Variants in LCP2 observed in about 807,000 individuals in gnomAD.
The protein encoded by LCP2 is 76 kDa tyrosine phosphoprotein.
In LCP2, 29 loss-of-function variants were observed where a neutral mutation model predicts 74.5. That is an observed-to-expected ratio of 0.39 (90% CI 0.29 to 0.53). The LOEUF (loss-of-function observed/expected upper bound fraction) is 0.53, where lower values mean the gene tolerates loss of function less well. Among genes scored for constraint, LCP2 ranks in the 20% least tolerant of loss-of-function variants. LCP2 has a pLI of 0.72. For synonymous variants in LCP2, 228 were observed against 229.5 expected, an observed-to-expected ratio of 0.99 and a Z score of 0.06; for missense variants, 604 against 634.6, an observed-to-expected ratio of 0.95 and a Z score of 0.52.
At chr5:170,284,912 G>A (rs1041738041) in intron 3 of LCP2, among the ~76,000 whole-genome samples, 2 of 151,980 alleles carry the variant, frequency 1.3e-5, no homozygotes, top group Non-Finnish European at 2.9e-5. Flanking sequence ...CACCAAGCCT[G>A]GTGAATTTTT....
rs371358336 is a variant in LCP2, at chr5:170,253,072, T to A, written c.1245+47A>T. The A allele has an allele frequency of 1.2e-5, 15 of 1,216,940 alleles. No homozygotes were observed. The African/African-American group carries it at 2.1e-4, about 17-fold the overall frequency. The allele number at this position is 1,216,940 out of a possible 1,614,324, so 75.4% of individuals were successfully genotyped here. On this transcript the variant is annotated intron_variant, in intron 18 of 20. Coordinates refer to ENST00000046794, the MANE Select transcript of LCP2 (RefSeq NM_005565.5). ...CAATGGGAGTTTCTGGTGATTCTTT[T>A]ACCAGGGAAAAGGCAAACAAACAAA...
At chr5:170,273,706 G>A (rs1258632443) in intron 6 of LCP2, 1 of 154,704 alleles carries the variant, frequency 6.5e-6, no homozygotes, top group Non-Finnish European at 1.4e-5. Flanking sequence ...GTGTATACAG[G>A]TTCCTGGGGA....
intron 1 of LCP2, among the ~76,000 whole-genome samples, chr5:170,295,911 T>G (rs562536008): frequency 6.6e-6 from 1 of 152,256 alleles, no homozygotes; most frequent in Admixed American, 6.6e-5. Context: ...TTCCCCCAGC[T>G]CAGGCAGTGA....
chr5:170,278,590 T>C (rs1019028613), intron 3 of LCP2, among the ~76,000 whole-genome samples: 4 of 151,998 alleles, frequency 2.6e-5, no homozygotes, highest in African/African-American at 9.7e-5. Flanking sequence ...GACATTTCAG[T>C]AATGACTTGA....
At chr5:170,250,034 A>AAGT (rs1761398797) in intron 20 of LCP2, among the ~76,000 whole-genome samples, 1 of 152,166 alleles carries the variant, frequency 6.6e-6, no homozygotes, top group Non-Finnish European at 1.5e-5. Context: ...ATCATAACAG[A>AAGT]AGTATGTGAA....
chr5:170,266,584 T>C (rs1001780869), intron 10 of LCP2, among the ~76,000 whole-genome samples: 4 of 152,202 alleles, frequency 2.6e-5, no homozygotes, highest in Admixed American at 6.5e-5. Flanking sequence ...GAGGCTGATA[T>C]GGGCTTTGGT....
At chr5:170,261,081 C>A in intron 14 of LCP2, 26 bp downstream of exon 14, 1 of 1,565,876 alleles carries the variant, frequency 6.4e-7, no homozygotes, top group South Asian at 1.1e-5. Context: ...GTATCAAGCA[C>A]TTACAAACTG....
At chr5:170,266,299 G>C (rs1761755675) in intron 10 of LCP2, among the ~76,000 whole-genome samples, 2 of 152,180 alleles carry the variant, frequency 1.3e-5, no homozygotes, top group Admixed American at 1.3e-4. Flanking sequence ...TAGCACCTTA[G>C]GGATTTATAA....
intron 1 of LCP2, among the ~76,000 whole-genome samples, chr5:170,297,155 A>AGGGATAT (rs1762404273): frequency 1.3e-5 from 2 of 152,136 alleles, no homozygotes; most frequent in Non-Finnish European, 2.9e-5. Flanking sequence ...TGCCTCTATC[A>AGGGATAT]CATGTAGTCC....
chr5:170,275,953 G>C, intron 3 of LCP2, 93 bp from the exon 4 acceptor site: 1 of 1,122,878 alleles, frequency 8.9e-7, no homozygotes, highest in Non-Finnish European at 1.3e-6. Context: ...ATAGAAACTT[G>C]GGGCACCAGG....
At chr5:170,280,183 C>T (rs1442338511) in intron 3 of LCP2, among the ~76,000 whole-genome samples, 1 of 152,026 alleles carries the variant, frequency 6.6e-6, no homozygotes, top group Non-Finnish European at 1.5e-5. Flanking sequence ...CAAAGCCCTC[C>T]CACAGTGGGA....
chr5:170,258,168 T>C lies in LCP2; in HGVS notation c.971-2A>G. 6.2e-7 allele frequency: 1 copy of C among 1,613,802 alleles called. No individual in the cohort carries two copies. On this transcript the variant is annotated splice_acceptor_variant, in intron 15 of 20. Transcript: ENST00000046794. LOFTEE classifies it high-confidence loss of function. ...GCTGGGGCAAAGGTCTCTGATGCAC[T>C]GTGCAGAAGTAGAAAACAATGAATG...
At chr5:170,274,122 C>G in intron 6 of LCP2, 179 bp downstream of exon 6, 2 of 629,142 alleles carry the variant, frequency 3.2e-6, no homozygotes, top group Non-Finnish European at 5.6e-6. Context: ...GAGTGCATGG[C>G]TCCCAAAGCC....
chr5:170,262,048 TG>T (rs1761664204), intron 13 of LCP2, among the ~76,000 whole-genome samples: 1 of 152,206 alleles, frequency 6.6e-6, no homozygotes, highest in South Asian at 2.1e-4. Context: ...TTATGACCCC[TG>T]ATTCACAAAT....
chr5:170,297,508 A>G, intron 1 of LCP2, 26 bp downstream of exon 1: 2 of 1,601,668 alleles, frequency 1.2e-6, no homozygotes, highest in Non-Finnish European at 1.7e-6. Context: ...TAGCATCATG[A>G]CCATTCACAC....
intron 1 of LCP2, among the ~76,000 whole-genome samples, chr5:170,294,527 G>A (rs550579730): frequency 6.6e-6 from 1 of 152,172 alleles, no homozygotes; most frequent in African/African-American, 2.4e-5. Flanking sequence ...AGGATCCTAG[G>A]TTCTTCTCAC....
At chr5:170,252,936 G>A (rs955179850) in intron 18 of LCP2, among the ~76,000 whole-genome samples, 183 bp downstream of exon 18, 7 of 152,170 alleles carry the variant, frequency 4.6e-5, no homozygotes, top group Non-Finnish European at 1.0e-4. Flanking sequence ...GAAAGCGTCT[G>A]AAAGAACGCC....
intron 1 of LCP2, among the ~76,000 whole-genome samples, chr5:170,296,776 G>A (rs1048904524): frequency 1.2e-4 from 19 of 152,132 alleles, no homozygotes; most frequent in South Asian, 6.2e-4. Flanking sequence ...AGACAGCAAC[G>A]CTCTGGTCCC....
chr5:170,261,683 G>C (rs772807505), intron 13 of LCP2, among the ~76,000 whole-genome samples: 1 of 152,180 alleles, frequency 6.6e-6, no homozygotes, highest in Non-Finnish European at 1.5e-5. Context: ...AAGGGGGCTT[G>C]GTACACTTTG....
Sources: allele counts gnomAD v4.1 joint callset (sites outside exome capture counted in the v4.1 genomes callset), GRCh38; gene constraint gnomAD v4.1.1; transcripts MANE v1.5; gene names NCBI Gene and HGNC (gene_info 2026-07-23, HGNC 2026-07-21).